The following FAT3 variants were observed in gnomAD, a reference collection of about 807,000 sequenced individuals.
The protein encoded by FAT3 is FAT atypical cadherin 3.
FAT3 carries 95 observed loss-of-function variants against 310.2 expected under a neutral mutation model. That is an observed-to-expected ratio of 0.31 (90% CI 0.26 to 0.36). The LOEUF (loss-of-function observed/expected upper bound fraction) is 0.36. Among genes scored for constraint, FAT3 ranks in the 10% least tolerant of loss-of-function variants. FAT3 has a pLI of 1.00. For synonymous variants in FAT3, 2,314 were observed against 2,192.9 expected (o/e 1.06, Z -1.54); for missense variants, 5,408 against 5,715.6 (o/e 0.95, Z 1.74).
intron 2 of FAT3, among the ~76,000 whole-genome samples, chr11:92,423,291 A>G (rs1950567849): frequency 6.6e-6 from 1 of 152,170 alleles, no homozygotes; most frequent in Non-Finnish European, 1.5e-5. Context: ...TGCAAAGAGC[A>G]TTGGAAATGA....
chr11:92,653,719 C>G (rs1942470720), intron 3 of FAT3, among the ~76,000 whole-genome samples: 1 of 152,160 alleles, frequency 6.6e-6, no homozygotes, highest in Non-Finnish European at 1.5e-5. Flanking sequence ...GTTATTCTTC[C>G]TACTGTGATC....
intron 1 of FAT3, among the ~76,000 whole-genome samples, chr11:92,229,877 A>T (rs903361245): frequency 5.9e-5 from 9 of 151,568 alleles, no homozygotes; most frequent in Admixed American, 3.3e-4. Context: ...AAAATAGAAA[A>T]CAGATTTCAG....
At chr11:92,539,177 A>C (rs1026056243) in intron 3 of FAT3, among the ~76,000 whole-genome samples, 2 of 152,216 alleles carry the variant, frequency 1.3e-5, no homozygotes, top group Admixed American at 6.5e-5. Flanking sequence ...ATTCTTCTGA[A>C]GAAATGATAT....
intron 2 of FAT3, among the ~76,000 whole-genome samples, chr11:92,375,964 C>G (rs143554349): frequency 6.6e-6 from 1 of 152,190 alleles, no homozygotes; most frequent in Non-Finnish European, 1.5e-5. Context: ...GCAAACACTT[C>G]TTTTCCCAAA....
At chr11:92,585,050 G>C (rs1939059698) in intron 3 of FAT3, among the ~76,000 whole-genome samples, 5 of 151,914 alleles carry the variant, frequency 3.3e-5, no homozygotes, top group Admixed American at 2.6e-4. Context: ...ACATCCTGTG[G>C]CAAGAGAAAA....
intron 3 of FAT3, among the ~76,000 whole-genome samples, chr11:92,578,435 C>T (rs550021525): frequency 2.6e-5 from 4 of 152,184 alleles, no homozygotes; most frequent in Non-Finnish European, 5.9e-5. Flanking sequence ...GATCATTTTA[C>T]CAAACAAAAA....
rs183246316 is a variant in FAT3 at position 92,895,234 on chromosome 11, C to G, written c.*4121C>G. 6.6e-6 allele frequency: 1 copy of G among 152,158 alleles called. No homozygotes were observed. The highest frequency in any genetic ancestry group is 2.1e-4 in the South Asian group (1 of 4,828). 9.4% of individuals were successfully genotyped at this position (152,158 alleles called of 1,614,324 possible). On this transcript the variant is annotated 3_prime_UTR_variant, in exon 28 of 28. Coordinates refer to ENST00000525166, the MANE Select transcript of FAT3 (RefSeq NM_001367949.2). ...TTATTCCTTGTCATCATTTTGTGTG[C>G]TCTGTGAGAAGGTGGTTATATGTTT...
At chr11:92,449,757 G>A (rs1405811412) in intron 2 of FAT3, among the ~76,000 whole-genome samples, 1 of 152,070 alleles carries the variant, frequency 6.6e-6, no homozygotes, top group African/African-American at 2.4e-5. Context: ...GAAAAAATTG[G>A]AATTATGACA....
At chr11:92,442,754 C>G (rs1439260631) in intron 2 of FAT3, among the ~76,000 whole-genome samples, 1 of 152,080 alleles carries the variant, frequency 6.6e-6, no homozygotes, top group African/African-American at 2.4e-5. Flanking sequence ...ATCACAACCC[C>G]CAAACAGGAC....
At chr11:92,576,045 T>A (rs1263533840) in intron 3 of FAT3, among the ~76,000 whole-genome samples, 3 of 152,204 alleles carry the variant, frequency 2.0e-5, no homozygotes, top group Non-Finnish European at 4.4e-5. Flanking sequence ...TGTGCTGTGC[T>A]GATCTGAAGT....
chr11:92,276,424 G>A (rs1015295054), intron 1 of FAT3, among the ~76,000 whole-genome samples: 2 of 152,050 alleles, frequency 1.3e-5, no homozygotes, highest in African/African-American at 2.4e-5. Context: ...ATTTACTCAC[G>A]CCAGGATCTT....
At chr11:92,837,642 C>T in intron 16 of FAT3, 21 bp from the exon 17 acceptor site, 1 of 1,613,036 alleles carries the variant, frequency 6.2e-7, no homozygotes, top group Non-Finnish European at 8.5e-7. Flanking sequence ...TCTTTACTGT[C>T]ACCTCTTTGT....
chr11:92,709,811 C>G (rs1944467713), intron 4 of FAT3, among the ~76,000 whole-genome samples: 1 of 152,198 alleles, frequency 6.6e-6, no homozygotes, highest in East Asian at 1.9e-4. Flanking sequence ...CCACCGCATC[C>G]CAGTCTGTAC....
At chr11:92,361,768 CAT>C (rs1006027911) in intron 2 of FAT3, among the ~76,000 whole-genome samples, 2 of 152,164 alleles carry the variant, frequency 1.3e-5, no homozygotes, top group African/African-American at 4.8e-5. Flanking sequence ...AATAGCATGA[CAT>C]AGCACGTGAC....
chr11:92,652,227 C>A (rs947612295), intron 3 of FAT3, among the ~76,000 whole-genome samples: 2 of 150,462 alleles, frequency 1.3e-5, no homozygotes, highest in African/African-American at 4.9e-5. Context: ...CAACACCCCA[C>A]TTTTATCCGC....
intron 2 of FAT3, among the ~76,000 whole-genome samples, chr11:92,442,279 A>T (rs1446996578): frequency 6.7e-6 from 1 of 148,600 alleles, no homozygotes; most frequent in Non-Finnish European, 1.5e-5. Flanking sequence ...ACGCCCGGCT[A>T]ATTTTTTGTA....
At chr11:92,390,103 C>G (rs544075359) in intron 2 of FAT3, among the ~76,000 whole-genome samples, 1 of 151,834 alleles carries the variant, frequency 6.6e-6, no homozygotes, top group Non-Finnish European at 1.5e-5. Flanking sequence ...ATCTTAAGAG[C>G]TAAGTTTTGT....
chr11:92,565,441 C>T (rs1201189771), intron 3 of FAT3, among the ~76,000 whole-genome samples: 7 of 134,850 alleles, frequency 5.2e-5, no homozygotes, highest in African/African-American at 1.6e-4. Flanking sequence ...GATTCACAGC[C>T]GAATTCTACC....
chr11:92,270,452 G>A (rs920982773), intron 1 of FAT3, among the ~76,000 whole-genome samples: 1 of 151,828 alleles, frequency 6.6e-6, no homozygotes, highest in Non-Finnish European at 1.5e-5. Context: ...GCAGAGGCGG[G>A]TGTATCACCT....
Sources: allele counts gnomAD v4.1 joint callset (sites outside exome capture counted in the v4.1 genomes callset), GRCh38; gene constraint gnomAD v4.1.1; transcripts MANE v1.5; gene names NCBI Gene and HGNC (gene_info 2026-07-23, HGNC 2026-07-21).